Variants in SGSM3 observed in about 807,000 individuals in gnomAD.
SGSM3 encodes small G protein signaling modulator 3.
SGSM3 carries 96 observed loss-of-function variants against 100.5 expected under a neutral mutation model. The observed-to-expected ratio is 0.96, with a 90% CI of 0.81 to 1.13. SGSM3 has a LOEUF of 1.13. Among genes scored for constraint, SGSM3 ranks in the 50% most tolerant of loss-of-function variants. The pLI is 0.00. For synonymous variants in SGSM3, 483 were observed against 422.8 expected, an observed-to-expected ratio of 1.14 and a Z score of -1.75; for missense variants, 1,001 against 1,015.8, an observed-to-expected ratio of 0.99 and a Z score of 0.20.
intron 1 of SGSM3, among the ~76,000 whole-genome samples, chr22:40,389,875 G>A (rs1354951886): frequency 1.4e-5 from 2 of 143,544 alleles, no homozygotes; most frequent in Non-Finnish European, 3.0e-5. Flanking sequence ...TTGCACTCCA[G>A]CCTGGGCAAC....
intron 4 of SGSM3, 112 bp from the exon 5 acceptor site, chr22:40,404,135 G>A (rs1021147375): frequency 8.3e-6 from 7 of 838,568 alleles, no homozygotes; most frequent in Admixed American, 8.1e-5. Flanking sequence ...TGGTGGGAGA[G>A]AGCTGGCCTA....
At chr22:40,384,653 G>A (rs1377788564) in intron 1 of SGSM3, among the ~76,000 whole-genome samples, 3 of 152,096 alleles carry the variant, frequency 2.0e-5, no homozygotes, top group African/African-American at 7.2e-5. Flanking sequence ...GGTGGCGGGC[G>A]CCTGTAGTCC....
At chr22:40,392,826 C>T (rs1365697981) in intron 1 of SGSM3, among the ~76,000 whole-genome samples, 1 of 152,188 alleles carries the variant, frequency 6.6e-6, no homozygotes, top group Non-Finnish European at 1.5e-5. Flanking sequence ...TACTCATTAG[C>T]AGTCATTTCC....
chr22:40,372,117 C>A (rs941316184), intron 1 of SGSM3, among the ~76,000 whole-genome samples: 16 of 119,656 alleles, frequency 1.3e-4, no homozygotes, highest in Middle Eastern at 7.8e-3. Flanking sequence ...CCCTGTCCCC[C>A]CCCCCTTTTT....
At chr22:40,400,331 T>C (rs563132951) in intron 1 of SGSM3, among the ~76,000 whole-genome samples, 1 of 152,296 alleles carries the variant, frequency 6.6e-6, no homozygotes, top group African/African-American at 2.4e-5. Context: ...CCTTTAATTC[T>C]GTGGTTAGAA....
intron 9 of SGSM3, 88 bp downstream of exon 9, chr22:40,406,311 C>A: frequency 2.6e-6 from 4 of 1,561,438 alleles, no homozygotes; most frequent in Non-Finnish European, 3.5e-6. Context: ...CAGGCAAGAC[C>A]AGCCCCCTGG....
intron 1 of SGSM3, chr22:40,390,593 C>G (rs1462200187): frequency 6.6e-6 from 1 of 152,136 alleles, no homozygotes. Flanking sequence ...ATTGCTGGGC[C>G]AAAGAACCTC....
intron 8 of SGSM3, 35 bp from the exon 9 acceptor site, chr22:40,406,043 C>T (rs367773293): frequency 6.9e-6 from 11 of 1,602,868 alleles, no homozygotes; most frequent in South Asian, 1.1e-5. Context: ...TTTCCACCAC[C>T]TCCTCCCCAG....
chr22:40,410,171 C>T lies in SGSM3; in HGVS notation c.*412C>T, dbSNP rs903982010. ...CTGTATTCAGGTCCAAGGTTCTGCC[C>T]TTCCTTGAGTGGTCTAGAAGGCACT... On this transcript the variant is annotated 3_prime_UTR_variant, in exon 22 of 22. Coordinates refer to ENST00000248929, the MANE Select transcript of SGSM3 (RefSeq NM_015705.6). 4 of 1,088,070 alleles carry T rather than the reference C, an allele frequency of 3.7e-6. No homozygotes were observed. The highest frequency in any genetic ancestry group is 1.6e-5 in the African/African-American group (1 of 61,142). The allele number at this position is 1,088,070 out of a possible 1,614,324, so 67.4% of individuals were successfully genotyped here. A position where few individuals can be genotyped will look rare whatever the true frequency, so the allele number is the denominator to read the frequency against.
In SGSM3 at chr22:40,387,481, C is replaced by T. The variant is rs192173061; in HGVS notation, c.-111-13215C>T. The stretch of plus-strand genomic sequence containing the variant: ...GTGTAAACTATATTTATGATCTCCT[C>T]TTAGGTGCCCTAATCTCCTATGTTA... On this transcript the variant is annotated intron_variant, in intron 1 of 21. Transcript: ENST00000248929. 41 of 327,972 alleles carry T rather than the reference C, an allele frequency of 1.3e-4. No homozygotes were observed. The Admixed American group carries it at 1.6e-3, about 13-fold the overall frequency. 20.3% of individuals were successfully genotyped at this position (327,972 alleles called of 1,614,324 possible).
At chr22:40,409,121 G>C in intron 19 of SGSM3, 103 bp downstream of exon 19, 2 of 1,555,310 alleles carry the variant, frequency 1.3e-6, no homozygotes, top group Non-Finnish European at 8.7e-7. Context: ...AAGAACCTCA[G>C]GGGCTCAGGT....
intron 15 of SGSM3, 58 bp from the exon 16 acceptor site, chr22:40,408,219 G>A (rs1189946782): frequency 1.2e-6 from 2 of 1,607,964 alleles, no homozygotes; most frequent in Non-Finnish European, 8.5e-7. Flanking sequence ...GAGGACAGAG[G>A]AGGGTGACTG....
chr22:40,409,875 A>G lies in SGSM3; in HGVS notation c.*116A>G. ...CTGGCCGGGGCCGCGGGATATCAAT[A>G]TCAGGCTGCCCCACTCCACGTTCCC... On this transcript the variant is annotated 3_prime_UTR_variant, in exon 22 of 22. Transcript: ENST00000248929. 2 of 1,454,482 alleles carry G rather than the reference A, an allele frequency of 1.4e-6. No individual in the cohort carries two copies. Among genetic ancestry groups the G allele is most frequent in the Non-Finnish European group, 1.8e-6 (2 of 1,109,226 alleles). 90.1% of individuals were successfully genotyped at this position (1,454,482 alleles called of 1,614,324 possible).
In SGSM3 at chr22:40,409,465, A is replaced by G. The variant is rs983870606; in HGVS notation, c.2112A>G (p.Arg704=). 1.3e-6 allele frequency: 2 copies of G among 1,579,810 alleles called. No homozygotes were observed. The highest frequency in any genetic ancestry group is 4.5e-5 in the East Asian group (2 of 44,364). Residue 704 remains arginine, a splice_region_variant and synonymous_variant, in exon 21 of 22, where the codon CGA becomes CGG. Coordinates refer to ENST00000248929, the MANE Select transcript of SGSM3 (RefSeq NM_015705.6). ...PGWVQIKCEL[R]VLCCFAFSLS... is the part of the protein sequence containing the mutation. ...CTTACCACCCCTTCCTCACCTCTAG[A>G]GTCCTCTGCTGCTTTGCCTTCAGCC... is the stretch of plus-strand genomic sequence containing the variant.
chr22:40,408,550 A>G (rs2052015576), intron 16 of SGSM3, 77 bp from the exon 17 acceptor site: 1 of 1,589,808 alleles, frequency 6.3e-7, no homozygotes, highest in African/African-American at 1.3e-5. Context: ...GCGTGGTGAC[A>G]GGTGCCCAGT....
chr22:40,386,111 CT>C lies in SGSM3; in HGVS notation c.-111-14584del, dbSNP rs1195522264. Among the ~76,000 whole-genome samples the C allele has an allele frequency of 3.3e-5, 5 of 151,894 alleles. No individual in the cohort carries two copies. The East Asian group carries it at 7.7e-4, about 23-fold the overall frequency. The stretch of plus-strand genomic sequence containing the variant: ...CCCAGGCTGGTCTTGAACTCCTGCA[CT>C]CAAGCAATCCATCTGCCTTGGCCTC... On this transcript the variant is annotated intron_variant, in intron 1 of 21. Coordinates refer to ENST00000248929, the MANE Select transcript of SGSM3 (RefSeq NM_015705.6).
At chr22:40,403,950 T>C (rs73167023) in intron 4 of SGSM3, among the ~76,000 whole-genome samples, 20,497 of 152,068 alleles carry the variant, frequency 0.13, 2,118 homozygotes, top group Admixed American at 0.34. Flanking sequence ...GAGCCAGAGG[T>C]GACTCCGAGG....
intron 1 of SGSM3, among the ~76,000 whole-genome samples, chr22:40,386,027 T>G (rs560090069): frequency 6.8e-4 from 71 of 104,942 alleles, no homozygotes; most frequent in East Asian, 3.4e-3. Context: ...AATTTTTTGT[T>G]TTTTTTTTTG....
rs2051767289 is a variant in SGSM3 at position 40,407,552 on chromosome 22, A to G, written c.1508A>G (p.Lys503Arg). Residue 503 changes from lysine (K) to arginine (R), a missense_variant, in exon 13 of 22, where the codon AAG becomes AGG. Coordinates refer to ENST00000248929, the MANE Select transcript of SGSM3 (RefSeq NM_015705.6). This position sits in a 1 kb window ranked among gnomAD's most constrained non-coding sequence, Gnocchi z 4.7. ...GACGACGACGAGCTGGGCTTCCGCA[A>G]GAACGACATCATCACAGTGCGTGGG... Reference protein sequence around the residue: ...RHDDDELGFRKNDIITIVSQK... With the variant: ...RHDDDELGFRRNDIITIVSQK... 5.6e-6 allele frequency: 9 copies of G among 1,604,212 alleles called. No homozygotes were observed. Among genetic ancestry groups the G allele is most frequent in the South Asian group, 1.1e-5 (1 of 91,056 alleles).
Sources: allele counts gnomAD v4.1 joint callset (sites outside exome capture counted in the v4.1 genomes callset), GRCh38; gene constraint gnomAD v4.1.1; non-coding constraint Gnocchi (gnomAD v3.1); transcripts MANE v1.5; gene names NCBI Gene and HGNC (gene_info 2026-07-23, HGNC 2026-07-21).